The following FAF1 variants were observed in gnomAD, a reference collection of about 807,000 sequenced individuals.
FAF1 encodes FAS-associated factor 1.
In FAF1, 25 loss-of-function variants were observed where a neutral mutation model predicts 92.5. The observed-to-expected ratio is 0.27, with a 90% CI of 0.20 to 0.38. The LOEUF is 0.38. Among genes scored for constraint, FAF1 ranks in the 10% least tolerant of loss-of-function variants. The pLI, the probability that FAF1 is intolerant of heterozygous loss-of-function variation, is 1.00. For synonymous variants in FAF1, 234 were observed against 273.2 expected, an observed-to-expected ratio of 0.86 and a Z score of 1.42; for missense variants, 636 against 793.3, an observed-to-expected ratio of 0.80 and a Z score of 2.38.
At position 50,889,672 on chromosome 1, in the gene FAF1, G is replaced by A. The variant is rs182246062; in HGVS notation, c.46-31675C>T. Among the ~76,000 whole-genome samples, 287 of 152,330 alleles carry A rather than the reference G, an allele frequency of 1.9e-3. 1 individual carries two copies. The highest frequency in any genetic ancestry group is 6.7e-3 in the African/African-American group (279 of 41,578). On this transcript the variant is annotated intron_variant, in intron 1 of 18. Coordinates refer to ENST00000396153, the MANE Select transcript of FAF1 (RefSeq NM_007051.3). ...TGTTCAGTTTCCATGTAGTTGAGCA[G>A]TTTTGAGTGAGTTTCTTAATCCTCA...
At chr1:50,935,841 A>C (rs1204332676) in intron 1 of FAF1, among the ~76,000 whole-genome samples, 1 of 152,230 alleles carries the variant, frequency 6.6e-6, no homozygotes, top group Non-Finnish European at 1.5e-5. Context: ...TATTTGCAGC[A>C]TCAATGTTTT....
At chr1:50,462,232 G>A (rs1432806030) in intron 18 of FAF1, 3 of 151,926 alleles carry the variant, frequency 2.0e-5, no homozygotes, top group African/African-American at 4.8e-5. Flanking sequence ...TGAGTCCTAC[G>A]AATCTTCCTA....
chr1:50,898,488 A>C (rs1174630696), intron 1 of FAF1, among the ~76,000 whole-genome samples: 1 of 152,232 alleles, frequency 6.6e-6, no homozygotes, highest in Admixed American at 6.5e-5. Flanking sequence ...TGAATGAAAA[A>C]CACAGCATAG....
At chr1:50,543,887 A>G (rs1020168907) in intron 13 of FAF1, among the ~76,000 whole-genome samples, 45 of 152,216 alleles carry the variant, frequency 3.0e-4, no homozygotes, top group Admixed American at 7.9e-4. Flanking sequence ...CAAAACTAAA[A>G]TCACTATTTT....
rs144242929 is a variant in FAF1 at position 50,791,249 on chromosome 1, C to A, written c.162-3044G>T. Among the ~76,000 whole-genome samples the A allele has an allele frequency of 2.0e-5, 3 of 152,296 alleles. No homozygotes were observed. In the East Asian group the frequency reaches 5.8e-4, roughly 29 times the overall value. On this transcript the variant is annotated intron_variant, in intron 3 of 18. Transcript: ENST00000396153. Reference sequence around the variant, plus strand: ...TAAATATCTATGAACAGAATCTGTGCGATGACATTTCACATCTAAAGCTTG... The same window carrying A: ...TAAATATCTATGAACAGAATCTGTGAGATGACATTTCACATCTAAAGCTTG...
chr1:50,666,104 G>GGC (rs1171222440), intron 7 of FAF1, among the ~76,000 whole-genome samples: 1 of 151,594 alleles, frequency 6.6e-6, no homozygotes, highest in African/African-American at 2.4e-5. Context: ...GAACCTGGGA[G>GGC]GCAGAGGTTG....
At chr1:50,615,385 A>G (rs1430457078) in intron 8 of FAF1, among the ~76,000 whole-genome samples, 1 of 152,142 alleles carries the variant, frequency 6.6e-6, no homozygotes, top group African/African-American at 2.4e-5. Context: ...GGGGCTGTAT[A>G]TACCCGTAAT....
intron 18 of FAF1, chr1:50,470,792 G>C (rs970230671): frequency 3.3e-5 from 5 of 152,220 alleles, no homozygotes; most frequent in Non-Finnish European, 5.9e-5. Context: ...GTATGATGGA[G>C]TGGGATTCAC....
chr1:50,579,088 A>T (rs1650879220), intron 12 of FAF1, among the ~76,000 whole-genome samples: 2 of 152,124 alleles, frequency 1.3e-5, no homozygotes, highest in Non-Finnish European at 2.9e-5. Flanking sequence ...ACACCTAGAC[A>T]CTAAGAAAAG....
chr1:50,830,235 A>G (rs1644140354), intron 2 of FAF1, among the ~76,000 whole-genome samples: 1 of 152,168 alleles, frequency 6.6e-6, no homozygotes, highest in Non-Finnish European at 1.5e-5. Flanking sequence ...CTGCTGCCTC[A>G]GCCTCCAGTG....
At chr1:50,745,191 C>G (rs1185166231) in intron 4 of FAF1, among the ~76,000 whole-genome samples, 1 of 152,110 alleles carries the variant, frequency 6.6e-6, no homozygotes, top group Non-Finnish European at 1.5e-5. Flanking sequence ...ATCCCAGCTA[C>G]TCAAGAGGCT....
intron 7 of FAF1, among the ~76,000 whole-genome samples, chr1:50,692,994 T>C (rs1657007403): frequency 2.0e-5 from 3 of 152,242 alleles, no homozygotes; most frequent in Non-Finnish European, 4.4e-5. Flanking sequence ...AATTTGGAAA[T>C]ATTTTCTTCC....
At chr1:50,566,618 G>A (rs972520950) in intron 13 of FAF1, among the ~76,000 whole-genome samples, 44 of 152,144 alleles carry the variant, frequency 2.9e-4, no homozygotes, top group Middle Eastern at 3.4e-3. Context: ...GCAATAAAGC[G>A]ATTACATCAA....
chr1:50,747,114 T>C lies in FAF1; in HGVS notation c.368-2339A>G, dbSNP rs552091777. On this transcript the variant is annotated intron_variant, in intron 4 of 18. Coordinates refer to ENST00000396153, the MANE Select transcript of FAF1 (RefSeq NM_007051.3). ...GACAGTGCAGAGAAGAAATGTGAGG[T>C]TGGACCCCCACACACACAGTCTCCA... is the stretch of plus-strand genomic sequence containing the variant. 3.3e-5 allele frequency among the ~76,000 whole-genome samples: 5 copies of C among 152,222 alleles called. No individual in the cohort carries two copies. In the South Asian group the frequency reaches 6.2e-4, roughly 19 times the overall value.
rs939905701 is a variant in FAF1 at position 50,724,576 on chromosome 1, C to T, written c.551+14287G>A. ...TTTCTCAGGCTTCTGCCTCTGTTCA[C>T]AGGGAAGATAAAATTTCTGCCCATG... is the stretch of plus-strand genomic sequence containing the variant. On this transcript the variant is annotated intron_variant, in intron 6 of 18. Transcript: ENST00000396153. Among the ~76,000 whole-genome samples, 3 of 152,276 alleles carry T rather than the reference C, an allele frequency of 2.0e-5. No homozygotes were observed. In the South Asian group the frequency reaches 6.2e-4, roughly 32 times the overall value.
At chr1:50,692,244 T>TGTGTGG (rs1274333793) in intron 7 of FAF1, among the ~76,000 whole-genome samples, 4 of 36,014 alleles carry the variant, frequency 1.1e-4, no homozygotes, top group Non-Finnish European at 2.1e-4. Flanking sequence ...GTATTTACTG[T>TGTGTGG]GTGTGTGTGT....
chr1:50,574,988 A>G (rs1265421339), intron 12 of FAF1, among the ~76,000 whole-genome samples: 4 of 141,226 alleles, frequency 2.8e-5, no homozygotes, highest in East Asian at 2.1e-4. Flanking sequence ...GGCTCACTGC[A>G]AGCTCCGCCT....
At chr1:50,938,915 A>T (rs1645108201) in intron 1 of FAF1, among the ~76,000 whole-genome samples, 1 of 152,014 alleles carries the variant, frequency 6.6e-6, no homozygotes, top group Non-Finnish European at 1.5e-5. Context: ...ATTCTGTTCC[A>T]TTGGTCTATG....
intron 2 of FAF1, chr1:50,846,794 A>G: frequency 1.5e-6 from 1 of 683,282 alleles, no homozygotes; most frequent in Non-Finnish European, 2.6e-6. Context: ...GGATTGTCCC[A>G]ATCCCACTTA....
Sources: gnomAD v4.1 joint callset for allele counts (sites outside exome capture counted in the v4.1 genomes callset) on GRCh38, gnomAD v4.1.1 for gene constraint, MANE v1.5 for transcripts, NCBI Gene and HGNC (gene_info 2026-07-23, HGNC 2026-07-21) for gene names.